The following TBC1D5 variants were observed in gnomAD, a reference collection of about 807,000 sequenced individuals.
TBC1D5 encodes the protein TBC1 domain family, member 5.
TBC1D5 carries 75 observed loss-of-function variants against 100.3 expected under a neutral mutation model. The ratio of observed to expected loss-of-function variants is 0.75; its 90% CI spans 0.62 to 0.91. The LOEUF is 0.91. Among genes scored for constraint, TBC1D5 ranks in the 40% least tolerant of loss-of-function variants. The pLI, the probability that TBC1D5 is intolerant of heterozygous loss-of-function variation, is 0.00. For synonymous variants in TBC1D5, 323 were observed against 325.6 expected (o/e 0.99, Z 0.09); for missense variants, 910 against 942.4 (o/e 0.97, Z 0.45).
intron 1 of TBC1D5, among the ~76,000 whole-genome samples, chr3:17,704,515 T>C (rs2073702213): frequency 9.7e-6 from 1 of 103,622 alleles, no homozygotes; most frequent in African/African-American, 3.5e-5. Flanking sequence ...GAGGCGCCCC[T>C]CACCTCCCGG....
intron 1 of TBC1D5, among the ~76,000 whole-genome samples, chr3:17,683,705 C>T (rs1560458314): frequency 6.6e-6 from 1 of 152,164 alleles, no homozygotes; most frequent in Non-Finnish European, 1.5e-5. Flanking sequence ...CCACCACTTT[C>T]AGCTGTGTGG....
At chr3:17,379,988 CTACTG>C (rs1286357609) in intron 9 of TBC1D5, among the ~76,000 whole-genome samples, 1 of 150,900 alleles carries the variant, frequency 6.6e-6, no homozygotes, top group Non-Finnish European at 1.5e-5. Flanking sequence ...TAAGGGCGAA[CTACTG>C]TACTGTACTG....
At chr3:17,287,952 C>A (rs76950248) in intron 15 of TBC1D5, among the ~76,000 whole-genome samples, 7 of 152,174 alleles carry the variant, frequency 4.6e-5, no homozygotes, top group Non-Finnish European at 8.8e-5. Flanking sequence ...GGAAAGAATG[C>A]TTTCATGTCT....
At chr3:17,227,500 A>C (rs1285181222) in intron 17 of TBC1D5, among the ~76,000 whole-genome samples, 1 of 152,120 alleles carries the variant, frequency 6.6e-6, no homozygotes, top group African/African-American at 2.4e-5. Context: ...CCCATTATAC[A>C]CCATGGAATT....
intron 2 of TBC1D5, among the ~76,000 whole-genome samples, chr3:17,576,203 T>C (rs1024926119): frequency 2.0e-5 from 3 of 152,076 alleles, no homozygotes; most frequent in African/African-American, 7.2e-5. Flanking sequence ...TGCTTTTAAA[T>C]TGATCTCTAC....
At chr3:17,341,202 T>A (rs987508608) in intron 13 of TBC1D5, among the ~76,000 whole-genome samples, 1 of 152,174 alleles carries the variant, frequency 6.6e-6, no homozygotes, top group Non-Finnish European at 1.5e-5. Context: ...AAATTCTGAA[T>A]TCTTTTTTTT....
At chr3:17,732,704 G>A (rs982129877) in intron 1 of TBC1D5, among the ~76,000 whole-genome samples, 4 of 63,262 alleles carry the variant, frequency 6.3e-5, no homozygotes, top group Admixed American at 1.7e-4. Context: ...GTGACAGAGC[G>A]AGGCTCCGTC....
chr3:17,390,066 A>T lies in TBC1D5; in HGVS notation c.510-6051T>A, dbSNP rs149654874. On this transcript the variant is annotated intron_variant, in intron 8 of 21. Coordinates refer to ENST00000253692, the Ensembl canonical transcript of TBC1D5. ...GGATACTTACTGCAGACATTTGATT[A>T]TACAAAGACCTATACATGATAGAAT... is the stretch of plus-strand genomic sequence containing the variant. Among the ~76,000 whole-genome samples, 26 of 152,282 alleles carry T rather than the reference A, an allele frequency of 1.7e-4. No homozygotes were observed. The East Asian group carries it at 4.6e-3, about 27-fold the overall frequency.
chr3:17,255,177 A>C (rs539806936), intron 16 of TBC1D5, among the ~76,000 whole-genome samples: 1 of 152,224 alleles, frequency 6.6e-6, no homozygotes, highest in African/African-American at 2.4e-5. Flanking sequence ...AGACCATGGC[A>C]AGAGACAGAA....
intron 1 of TBC1D5, among the ~76,000 whole-genome samples, chr3:17,669,639 T>C (rs935830294): frequency 1.3e-5 from 2 of 152,190 alleles, no homozygotes; most frequent in Admixed American, 6.5e-5. Flanking sequence ...AGGGCTGTCA[T>C]ATTAAAATAC....
chr3:17,725,964 G>A (rs796647827), intron 1 of TBC1D5, among the ~76,000 whole-genome samples: 6 of 152,152 alleles, frequency 3.9e-5, no homozygotes, highest in Non-Finnish European at 8.8e-5. Context: ...AGAACATGCA[G>A]TATCTGGTTT....
At chr3:17,628,877 C>T (rs1021628630) in intron 1 of TBC1D5, among the ~76,000 whole-genome samples, 1 of 152,176 alleles carries the variant, frequency 6.6e-6, no homozygotes, top group African/African-American at 2.4e-5. Flanking sequence ...ATATACTTTT[C>T]CTGTATGATA....
chr3:17,681,676 A>G (rs1048529247), intron 1 of TBC1D5, among the ~76,000 whole-genome samples: 3 of 151,636 alleles, frequency 2.0e-5, no homozygotes, highest in Non-Finnish European at 4.4e-5. Context: ...TTCTAAAGGC[A>G]TAACAAACAG....
chr3:17,677,147 C>T (rs1560442488), intron 1 of TBC1D5, among the ~76,000 whole-genome samples: 2 of 152,146 alleles, frequency 1.3e-5, no homozygotes, highest in South Asian at 4.1e-4. Flanking sequence ...CCAAAACTGA[C>T]AAATGGGATC....
At chr3:17,177,485 C>A (rs897941549) in intron 19 of TBC1D5, among the ~76,000 whole-genome samples, 4 of 152,150 alleles carry the variant, frequency 2.6e-5, no homozygotes, top group African/African-American at 9.7e-5. Context: ...GCTCTCTGCC[C>A]AGAGTTTAGG....
intron 8 of TBC1D5, among the ~76,000 whole-genome samples, chr3:17,395,861 C>T (rs186064702): frequency 6.6e-6 from 1 of 152,132 alleles, no homozygotes; most frequent in Non-Finnish European, 1.5e-5. Context: ...AATTTGCATG[C>T]TCAAATGAAA....
In TBC1D5 at chr3:17,327,919, C is replaced by A. The variant is rs530251279; in HGVS notation, c.996-19785G>T. On this transcript the variant is annotated intron_variant, in intron 13 of 21. Coordinates refer to ENST00000253692, the Ensembl canonical transcript of TBC1D5. The stretch of plus-strand genomic sequence containing the variant: ...GTGTTGAATAATTGTTCTTAGCTTT[C>A]TTTATAAAATCTAGTAGAAATTATG... Among the ~76,000 whole-genome samples, 8 of 152,068 alleles carry A rather than the reference C, an allele frequency of 5.3e-5. 1 individual carries two copies. In the South Asian group the frequency reaches 1.7e-3, roughly 32 times the overall value.
intron 1 of TBC1D5, among the ~76,000 whole-genome samples, chr3:17,731,303 C>A (rs2076534315): frequency 6.6e-6 from 1 of 151,818 alleles, no homozygotes; most frequent in Admixed American, 6.6e-5. Context: ...GAGATTGAGA[C>A]CATCCTCGCC....
chr3:17,180,055 A>G (rs2068264200), intron 19 of TBC1D5, among the ~76,000 whole-genome samples: 1 of 152,256 alleles, frequency 6.6e-6, no homozygotes. Context: ...AGAGATTAAT[A>G]CTGTCAATGG....
Sources: gnomAD v4.1 joint callset for allele counts (sites outside exome capture counted in the v4.1 genomes callset) on GRCh38, gnomAD v4.1.1 for gene constraint, MANE v1.5 for transcripts, NCBI Gene and HGNC (gene_info 2026-07-23, HGNC 2026-07-21) for gene names.